KANK1: variants seen among roughly 807,000 people sequenced by gnomAD.
KANK1 encodes KN motif and ankyrin repeat domains 1, also known as KN motif and ankyrin repeat domain-containing protein 1.
KANK1 carries 109 observed loss-of-function variants against 106.2 expected under a neutral mutation model. The observed-to-expected ratio is 1.03, with a 90% CI of 0.88 to 1.20. The LOEUF is 1.20. Ranked by LOEUF, KANK1 falls within the 50% of genes most tolerant of loss-of-function variation. The pLI is 0.00. For synonymous variants in KANK1, 873 were observed against 652.2 expected (o/e 1.34, Z -5.16); for missense variants, 2,399 against 1,710.7 (o/e 1.40, Z -7.10).
intron 2 of KANK1, among the ~76,000 whole-genome samples, chr9:703,044 TGC>T (rs1371448986): frequency 1.3e-5 from 2 of 152,140 alleles, no homozygotes; most frequent in Admixed American, 1.3e-4. Context: ...CAGGCTGGAA[TGC>T]GGTGGTGCAA....
intron 1 of KANK1, among the ~76,000 whole-genome samples, chr9:634,711 A>T (rs1422621497): frequency 6.6e-6 from 1 of 152,186 alleles, no homozygotes. Context: ...TCCCGTGGTT[A>T]TCTTAGCCCA....
chr9:608,334 TATAACA>T (rs1054628976), intron 1 of KANK1, among the ~76,000 whole-genome samples: 4 of 151,880 alleles, frequency 2.6e-5, no homozygotes, highest in Admixed American at 2.0e-4. Context: ...CTTTCAGAAT[TATAACA>T]ATAAGTTTCA....
intron 1 of KANK1, among the ~76,000 whole-genome samples, chr9:671,811 G>C (rs1471523760): frequency 6.6e-6 from 1 of 151,802 alleles, no homozygotes; most frequent in Non-Finnish European, 1.5e-5. Flanking sequence ...AGCTGGGCAT[G>C]GTGGTACACA....
rs1259096871 is a variant in KANK1, at chr9:711,839, A to G, written c.1073A>G (p.Glu358Gly). 22 of 1,614,080 alleles carry G rather than the reference A, an allele frequency of 1.4e-5. No homozygotes were observed. Among genetic ancestry groups the G allele is most frequent in the Non-Finnish European group, 1.8e-5 (21 of 1,180,048 alleles). Residue 358 changes from glutamate to glycine, a missense_variant, in exon 3 of 12, where the codon GAA becomes GGA. Physicochemically the swap from Glu to Gly is moderately conservative, Grantham distance 98 (BLOSUM62 -2). Coordinates refer to ENST00000382297, the MANE Select transcript of KANK1 (RefSeq NM_015158.5). ...DYEEEEMETVEQSTQRIKEFR... is the reference protein window; with the variant it reads ...DYEEEEMETVGQSTQRIKEFR... The stretch of plus-strand genomic sequence containing the variant: ...GAGGAGGAAGAAATGGAGACCGTAG[A>G]ACAGAGCACGCAGAGGATAAAGGAG...
intron 2 of KANK1, among the ~76,000 whole-genome samples, chr9:696,399 G>A (rs928233553): frequency 6.6e-6 from 1 of 152,180 alleles, no homozygotes; most frequent in African/African-American, 2.4e-5. Context: ...TAGGCAAAGT[G>A]ACTTAGGAAA....
intron 2 of KANK1, among the ~76,000 whole-genome samples, chr9:689,475 C>T (rs1043229222): frequency 3.3e-5 from 5 of 152,130 alleles, no homozygotes; most frequent in African/African-American, 1.2e-4. Context: ...GTCTTCTGAG[C>T]GGATCCTGCT....
In KANK1 at chr9:647,395, G is replaced by T. The variant is rs142888319; in HGVS notation, c.-83-29495G>T. On this transcript the variant is annotated intron_variant, in intron 1 of 11. Coordinates refer to ENST00000382297, the MANE Select transcript of KANK1 (RefSeq NM_015158.5). ...GTTTTATTATATTTATGACATATGA[G>T]AAATAAATAATAGGAACTTTAAGAA... 1.6e-4 allele frequency among the ~76,000 whole-genome samples: 24 copies of T among 150,974 alleles called. 4 individuals are homozygous for T. Among genetic ancestry groups the T allele is most frequent in the African/African-American group, 5.7e-4 (23 of 40,340 alleles).
In KANK1 at chr9:631,143, C is replaced by A. The variant is rs555797353; in HGVS notation, c.-83-45747C>A. 2.2e-4 allele frequency among the ~76,000 whole-genome samples: 34 copies of A among 152,182 alleles called. 1 individual carries two copies. The South Asian group carries it at 5.2e-3, about 23-fold the overall frequency. On this transcript the variant is annotated intron_variant, in intron 1 of 11. Transcript: ENST00000382297. ...CAGCGTTAATACGTTTTGCATTGTA[C>A]CACAAATATTTCCTTACTCCTTTGC...
At chr9:541,894 C>A (rs1022174166) in intron 1 of KANK1, among the ~76,000 whole-genome samples, 2 of 151,394 alleles carry the variant, frequency 1.3e-5, no homozygotes, top group African/African-American at 4.9e-5. Flanking sequence ...TCGAGACCAT[C>A]CTGGCTAACA....
At chr9:680,395 C>T (rs529229839) in intron 2 of KANK1, among the ~76,000 whole-genome samples, 198 of 152,172 alleles carry the variant, frequency 1.3e-3, no homozygotes, top group Non-Finnish European at 2.4e-3. Context: ...GAGTCCCTCA[C>T]GGAGGCTGGG....
intron 1 of KANK1, among the ~76,000 whole-genome samples, chr9:539,817 A>G (rs2060493215): frequency 1.3e-5 from 2 of 152,182 alleles, no homozygotes; most frequent in South Asian, 2.1e-4. Flanking sequence ...TGTAAATGAA[A>G]TCATTTTCTT....
At chr9:559,266 T>A (rs1815733718) in intron 1 of KANK1, among the ~76,000 whole-genome samples, 1 of 152,232 alleles carries the variant, frequency 6.6e-6, no homozygotes, top group Non-Finnish European at 1.5e-5. Flanking sequence ...CAGAGGTTTT[T>A]GCAGAGATCA....
intron 1 of KANK1, among the ~76,000 whole-genome samples, chr9:631,079 T>C (rs1835616582): frequency 6.6e-6 from 1 of 151,978 alleles, no homozygotes; most frequent in African/African-American, 2.4e-5. Context: ...GTTCTAGGAG[T>C]GATATGTGTC....
chr9:612,791 C>T (rs192208259), intron 1 of KANK1, among the ~76,000 whole-genome samples: 1 of 152,148 alleles, frequency 6.6e-6, no homozygotes, highest in Admixed American at 6.5e-5. Flanking sequence ...TTGACTGTGA[C>T]ACTCTTTCGA....
intron 1 of KANK1, among the ~76,000 whole-genome samples, chr9:667,478 A>G (rs966722776): frequency 6.6e-5 from 10 of 151,524 alleles, no homozygotes; most frequent in Non-Finnish European, 1.0e-4. Flanking sequence ...TTGCTTTTCT[A>G]GTTCCTTGAG....
chr9:614,282 A>G lies in KANK1; in HGVS notation c.-83-62608A>G, dbSNP rs377189150. 2.2e-4 allele frequency among the ~76,000 whole-genome samples: 33 copies of G among 152,324 alleles called. No homozygotes were observed. The South Asian group carries it at 6.8e-3, about 32-fold the overall frequency. ...CTCAGTGTTTGTTTAAATTGTTTCT[A>G]GCATGAAAGCAATATGATCTCTCTC... On this transcript the variant is annotated intron_variant, in intron 1 of 11. Transcript: ENST00000382297.
intron 7 of KANK1, among the ~76,000 whole-genome samples, chr9:736,105 C>T (rs1456802929): frequency 6.6e-6 from 1 of 152,102 alleles, no homozygotes; most frequent in African/African-American, 2.4e-5. Flanking sequence ...CTACCGGCGT[C>T]CACCACAACG....
At position 712,583 on chromosome 9, in the gene KANK1, CAGA is replaced by C. The variant is rs776592186; in HGVS notation, c.1818_1820del (p.Glu608del). 136 of 1,614,034 alleles carry C rather than the reference CAGA, an allele frequency of 8.4e-5. No individual in the cohort carries two copies. The highest frequency in any genetic ancestry group is 1.0e-4 in the Non-Finnish European group (122 of 1,180,040). ...AGCGTCTGCGAAACAGGCAGCAACACAGAGGAGTCTGTGAACGACCTCACACTC... is the reference window on the plus strand; with the variant it reads ...AGCGTCTGCGAAACAGGCAGCAACACGGAGTCTGTGAACGACCTCACACTC... On this transcript the variant is annotated inframe_deletion, in exon 3 of 12. Coordinates refer to ENST00000382297, the MANE Select transcript of KANK1 (RefSeq NM_015158.5).
At chr9:697,670 T>G (rs1821650288) in intron 2 of KANK1, among the ~76,000 whole-genome samples, 2 of 152,210 alleles carry the variant, frequency 1.3e-5, no homozygotes, top group Admixed American at 1.3e-4. Flanking sequence ...TTGGTATTCC[T>G]ACATATTTAT....
Sources: gnomAD v4.1 joint callset for allele counts (sites outside exome capture counted in the v4.1 genomes callset) on GRCh38, gnomAD v4.1.1 for gene constraint, MANE v1.5 for transcripts, NCBI Gene and HGNC (gene_info 2026-07-23, HGNC 2026-07-21) for gene names.